The following FXYD5 variants were observed in gnomAD, a reference collection of about 807,000 sequenced individuals.
The protein encoded by FXYD5 is FXYD domain-containing ion transport regulator 5.
A neutral mutation model predicts 25.7 loss-of-function variants in FXYD5; 21 were observed. That is an observed-to-expected ratio of 0.82 (90% CI 0.58 to 1.18). The LOEUF is 1.18. Among genes scored for constraint, FXYD5 ranks in the 50% most tolerant of loss-of-function variants. FXYD5 has a pLI of 0.00. For synonymous variants in FXYD5, 101 were observed against 90.7 expected (o/e 1.11, Z -0.64); for missense variants, 229 against 227.7 (o/e 1.01, Z -0.04).
chr19:35,156,865 G>A (rs556883617), intron 2 of FXYD5: 32 of 154,328 alleles, frequency 2.1e-4, no homozygotes, highest in African/African-American at 6.5e-4. Context: ...CTGTGGGGGC[G>A]GAGACAGGAG....
intron 5 of FXYD5, among the ~76,000 whole-genome samples, chr19:35,163,552 G>A (rs2065424291): frequency 6.6e-6 from 1 of 152,028 alleles, no homozygotes; most frequent in African/African-American, 2.4e-5. Flanking sequence ...CGAAATCTTG[G>A]CTCACTGCAA....
intron 1 of FXYD5, chr19:35,155,043 C>A (rs956252435): frequency 5.7e-6 from 1 of 175,206 alleles, no homozygotes. Flanking sequence ...GTCTCTCCAG[C>A]GCGCCATCCC....
At chr19:35,161,270 G>T (rs1165602882) in intron 5 of FXYD5, among the ~76,000 whole-genome samples, 4 of 28,258 alleles carry the variant, frequency 1.4e-4, no homozygotes, top group Admixed American at 3.8e-4. Flanking sequence ...GGCTATATAA[G>T]TTCTGGAAAG....
At chr19:35,155,064 C>T (rs1362377580) in intron 1 of FXYD5, 2 of 181,914 alleles carry the variant, frequency 1.1e-5, no homozygotes, top group Non-Finnish European at 2.3e-5. Flanking sequence ...TGCAAGGCGG[C>T]CCCTGACACC....
At position 35,160,835 on chromosome 19, in the gene FXYD5, T is replaced by C. The variant is rs781206471; in HGVS notation, c.292+34T>C. 36 of 1,386,386 alleles carry C rather than the reference T, an allele frequency of 2.6e-5. No homozygotes were observed. In the Admixed American group the frequency reaches 5.7e-4, roughly 22 times the overall value. The allele number at this position is 1,386,386 out of a possible 1,614,324, so 85.9% of individuals were successfully genotyped here. A position where few individuals can be genotyped will look rare whatever the true frequency, so the allele number is the denominator to read the frequency against. ...TGGGACTGAGAGCAGCAGCCTACGA[T>C]TTTTGTTTAATTCTCTATCTAGGTC... On this transcript the variant is annotated intron_variant, in intron 5 of 8. Coordinates refer to ENST00000392219, the MANE Select transcript of FXYD5 (RefSeq NM_014164.6).
intron 6 of FXYD5, 64 bp from the exon 7 acceptor site, chr19:35,166,078 C>T: frequency 6.6e-7 from 1 of 1,515,532 alleles, no homozygotes; most frequent in Non-Finnish European, 9.2e-7. Flanking sequence ...CTGACTTTGC[C>T]ATTCACGTAT....
At chr19:35,157,364 G>T in intron 2 of FXYD5, 57 bp from the exon 3 acceptor site, 1 of 877,322 alleles carries the variant, frequency 1.1e-6, no homozygotes, top group South Asian at 1.3e-5. Flanking sequence ...CGAGGGCGGG[G>T]GTGGTGAGAG....
At chr19:35,167,722 A>T (rs2065463451) in intron 8 of FXYD5, among the ~76,000 whole-genome samples, 1 of 152,160 alleles carries the variant, frequency 6.6e-6, no homozygotes, top group Non-Finnish European at 1.5e-5. Context: ...GGAGAGGCAG[A>T]ATTCTAACAA....
In FXYD5 at chr19:35,164,214, C is replaced by A; in HGVS notation, c.351C>A (p.Val117=). ...LSERPSPSTD[V]QTDPQTLKPS... ...AGAGACCATCCCCAAGCACAGACGT[C>A]CAGACAGACCCCCAGACCCTCAAGC... The change falls in exon 6 of 9, where the codon GTC becomes GTA. Residue 117 remains valine (V), a synonymous_variant. Transcript: ENST00000392219. 1 of 1,613,802 alleles carries A rather than the reference C, an allele frequency of 6.2e-7. No homozygotes were observed. Among genetic ancestry groups the A allele is most frequent in the South Asian group, 1.1e-5 (1 of 91,040 alleles).
Position 35,163,948 on chromosome 19 carries a change from C to A in FXYD5, c.293-208C>A, listed in dbSNP as rs2065428018. ...GGGATTGAGGCAGATCAGATAGTCG[C>A]AACCGGGGCTATGTGCTTATTTCAG... is the stretch of plus-strand genomic sequence containing the variant. On this transcript the variant is annotated intron_variant, in intron 5 of 8. Coordinates refer to ENST00000392219, the MANE Select transcript of FXYD5 (RefSeq NM_014164.6). 1.0e-5 allele frequency: 15 copies of A among 1,443,250 alleles called. 1 individual carries two copies. In the South Asian group the frequency reaches 2.2e-4, roughly 21 times the overall value. The allele number at this position is 1,443,250 out of a possible 1,614,324, so 89.4% of individuals were successfully genotyped here. A position where few individuals can be genotyped will look rare whatever the true frequency, so the allele number is the denominator to read the frequency against.
At chr19:35,155,470 A>T (rs562995130) in intron 1 of FXYD5, 81 bp from the exon 2 acceptor site, 1 of 1,164,114 alleles carries the variant, frequency 8.6e-7, no homozygotes, top group East Asian at 2.3e-5. Flanking sequence ...GGGCAGGGAA[A>T]GGGCTGCAGG....
At chr19:35,156,588 C>A (rs1254802821) in intron 2 of FXYD5, among the ~76,000 whole-genome samples, 2 of 152,124 alleles carry the variant, frequency 1.3e-5, no homozygotes, top group African/African-American at 4.8e-5. Context: ...AGGGAATGAG[C>A]TTTGCAGGTG....
Position 35,158,418 on chromosome 19 carries a change from A to G in FXYD5, c.199+18A>G. On this transcript the variant is annotated intron_variant, in intron 4 of 8. Transcript: ENST00000392219. Reference sequence around the variant, plus strand: ...TGCTGATGGTGAGTAGTGCAGGGGCAGGCGGCGGGGACAGGACCAAGACAA... The same window carrying G: ...TGCTGATGGTGAGTAGTGCAGGGGCGGGCGGCGGGGACAGGACCAAGACAA... The G allele has an allele frequency of 6.7e-7, 1 of 1,503,488 alleles. No individual in the cohort carries two copies. Among genetic ancestry groups the G allele is most frequent in the Non-Finnish European group, 9.3e-7 (1 of 1,079,706 alleles). The allele number at this position is 1,503,488 out of a possible 1,614,324, so 93.1% of individuals were successfully genotyped here.
chr19:35,157,322 C>G lies in FXYD5; in HGVS notation c.62-99C>G, dbSNP rs529153609. 39 of 668,466 alleles carry G rather than the reference C, an allele frequency of 5.8e-5. 1 individual carries two copies. Among genetic ancestry groups the G allele is most frequent in the Non-Finnish European group, 1.0e-4 (37 of 367,460 alleles). The allele number at this position is 668,466 out of a possible 1,614,324, so 41.4% of individuals were successfully genotyped here. A position where few individuals can be genotyped will look rare whatever the true frequency, so the allele number is the denominator to read the frequency against. ...AGCCAAAGCTGAGTGATTCCACCAG[C>G]AGACAGGACCCCTAAGGTTTCACCA... On this transcript the variant is annotated intron_variant, in intron 2 of 8. Coordinates refer to ENST00000392219, the MANE Select transcript of FXYD5 (RefSeq NM_014164.6).
chr19:35,161,249 A>ACACACACACACACACACACAC (rs58296906), intron 5 of FXYD5, among the ~76,000 whole-genome samples: 16,234 of 119,656 alleles, frequency 0.14, 1,492 homozygotes, highest in Middle Eastern at 0.19. Context: ...CACACACACA[A>ACACACACACACACACACACAC]AAGAATGATT....
chr19:35,157,751 T>A, intron 3 of FXYD5: 1 of 370,284 alleles, frequency 2.7e-6, no homozygotes, highest in Non-Finnish European at 5.0e-6. Flanking sequence ...GCCAAGATGA[T>A]CCCTTGAAGC....
intron 8 of FXYD5, among the ~76,000 whole-genome samples, chr19:35,168,075 TA>T (rs34038258): frequency 0.2 from 29,256 of 145,492 alleles, 2,913 homozygotes; most frequent in East Asian, 0.28. Flanking sequence ...TTTTTTTACT[TA>T]AAAAAAAAAA....
chr19:35,165,075 G>A (rs1346562033), intron 6 of FXYD5, among the ~76,000 whole-genome samples: 2 of 150,126 alleles, frequency 1.3e-5, no homozygotes, highest in East Asian at 4.2e-4. Flanking sequence ...GTTCCAGTGG[G>A]CATTTCCTTT....
chr19:35,155,235 C>T (rs1016566187), intron 1 of FXYD5: 3 of 445,286 alleles, frequency 6.7e-6, no homozygotes, highest in African/African-American at 6.0e-5. Context: ...GGGATAAGCG[C>T]CTGGCGGAAG....
Sources: allele counts gnomAD v4.1 joint callset (sites outside exome capture counted in the v4.1 genomes callset), GRCh38; gene constraint gnomAD v4.1.1; transcripts MANE v1.5; gene names NCBI Gene and HGNC (gene_info 2026-07-23, HGNC 2026-07-21).